Variants in ATAD2B observed in about 807,000 individuals in gnomAD.
ATAD2B encodes ATPase family AAA domain-containing protein 2B.
A neutral mutation model predicts 167.6 loss-of-function variants in ATAD2B; 40 were observed. The ratio of observed to expected loss-of-function variants is 0.24; its 90% CI spans 0.19 to 0.31. The LOEUF (loss-of-function observed/expected upper bound fraction) is 0.31, where lower values mean the gene tolerates loss of function less well. Among genes scored for constraint, ATAD2B ranks in the 10% least tolerant of loss-of-function variants. ATAD2B has a pLI of 1.00. For missense variants in ATAD2B, 1,242 were observed against 1,757.2 expected (o/e 0.71, Z 5.24); for synonymous variants, 579 against 596.5 (o/e 0.97, Z 0.43).
intron 8 of ATAD2B, among the ~76,000 whole-genome samples, chr2:23,871,793 C>T (rs1433257221): frequency 1.3e-5 from 2 of 148,908 alleles, no homozygotes; most frequent in Admixed American, 6.6e-5. Context: ...CCTTAACCCA[C>T]CTCCTACTCC....
chr2:23,777,742 G>A (rs1014905040), intron 22 of ATAD2B, among the ~76,000 whole-genome samples: 2 of 152,068 alleles, frequency 1.3e-5, no homozygotes, highest in Non-Finnish European at 1.5e-5. Context: ...CTGCAAGACC[G>A]AGAATGGGGA....
chr2:23,794,743 C>CTATTTTGGTAATA (rs1280451445), intron 19 of ATAD2B, among the ~76,000 whole-genome samples: 123 of 151,846 alleles, frequency 8.1e-4, no homozygotes, highest in African/African-American at 2.9e-3. Context: ...ATTAAATATA[C>CTATTTTGGTAATA]TATTACCAAA....
downstream of ATAD2B, among the ~76,000 whole-genome samples, chr2:23,745,450 G>GGAAA (rs1239159525): frequency 6.9e-6 from 1 of 144,552 alleles, no homozygotes; most frequent in Non-Finnish European, 1.5e-5. Context: ...GGGAAGGGAA[G>GGAAA]GGAAGGAAGG....
intron 20 of ATAD2B, among the ~76,000 whole-genome samples, chr2:23,787,771 AGG>A: frequency 6.6e-6 from 1 of 152,154 alleles, no homozygotes; most frequent in South Asian, 2.1e-4. Flanking sequence ...TTTACCAAAC[AGG>A]ATTGCTACTT....
downstream of ATAD2B, among the ~76,000 whole-genome samples, chr2:23,748,308 C>T (rs1675018260): frequency 6.6e-6 from 1 of 152,106 alleles, no homozygotes; most frequent in Non-Finnish European, 1.5e-5. Context: ...ACAAAGTATA[C>T]TGATAACAAC....
intron 22 of ATAD2B, among the ~76,000 whole-genome samples, chr2:23,778,703 A>C (rs1054128628): frequency 3.9e-5 from 6 of 152,232 alleles, no homozygotes; most frequent in Non-Finnish European, 5.9e-5. Flanking sequence ...TCAACCTAAT[A>C]CACTTGCTCA....
At chr2:23,923,567 T>C (rs1161932594) in intron 1 of ATAD2B, among the ~76,000 whole-genome samples, 2 of 152,076 alleles carry the variant, frequency 1.3e-5, no homozygotes, top group African/African-American at 2.4e-5. Context: ...GTCTATGGTG[T>C]TGATGCGGTG....
At chr2:23,912,105 A>G (rs537152720) in intron 1 of ATAD2B, among the ~76,000 whole-genome samples, 2 of 152,312 alleles carry the variant, frequency 1.3e-5, no homozygotes, top group African/African-American at 4.8e-5. Flanking sequence ...ATAACCATAA[A>G]CAAAATAAGT....
At chr2:23,785,923 T>C (rs1680745503) in intron 21 of ATAD2B, 104 bp downstream of exon 21, 3 of 997,940 alleles carry the variant, frequency 3.0e-6, no homozygotes, top group South Asian at 3.7e-5. Flanking sequence ...CTAGGGGTAA[T>C]ATTCATCCAT....
intron 1 of ATAD2B, among the ~76,000 whole-genome samples, chr2:23,915,704 G>C (rs143418024): frequency 0.041 from 5,787 of 142,128 alleles, 104 homozygotes; most frequent in Middle Eastern, 0.057. Flanking sequence ...CGATTCCCCT[G>C]CCTCAGCCTC....
intron 18 of ATAD2B, among the ~76,000 whole-genome samples, chr2:23,802,138 T>C (rs1218643083): frequency 1.3e-5 from 2 of 151,996 alleles, no homozygotes; most frequent in East Asian, 1.9e-4. Context: ...AATCACTTAA[T>C]AGTATTATAA....
chr2:23,752,551 C>G (rs1030145977), intron 27 of ATAD2B, among the ~76,000 whole-genome samples: 1 of 151,208 alleles, frequency 6.6e-6, no homozygotes, highest in African/African-American at 2.4e-5. Context: ...GAAGATTGAA[C>G]AAACGTATTA....
chr2:23,715,589 T>C, the ATAD2B span, among the ~76,000 whole-genome samples: 4 of 151,952 alleles, frequency 2.6e-5, no homozygotes, highest in Admixed American at 6.6e-5. Context: ...AAAAAAATCA[T>C]ATTAAAGCAT....
At chr2:23,906,671 G>T (rs970894448) in intron 1 of ATAD2B, among the ~76,000 whole-genome samples, 16 of 151,964 alleles carry the variant, frequency 1.1e-4, no homozygotes, top group Middle Eastern at 3.2e-3. Context: ...CCAAAAACGA[G>T]AATTTTAGAC....
intron 19 of ATAD2B, among the ~76,000 whole-genome samples, chr2:23,796,692 T>C (rs1416371775): frequency 6.6e-6 from 1 of 152,196 alleles, no homozygotes; most frequent in Admixed American, 6.5e-5. Context: ...CCAGGTTATA[T>C]CCAGGTTCAG....
At chr2:23,699,508 A>G in the ATAD2B span, among the ~76,000 whole-genome samples, 1 of 152,178 alleles carries the variant, frequency 6.6e-6, no homozygotes, top group East Asian at 1.9e-4. Flanking sequence ...CAAGACCTCA[A>G]ACATCCCAGT....
chr2:23,880,780 A>T (rs1157430720), intron 6 of ATAD2B, 25 bp from the exon 7 acceptor site: 11 of 1,337,160 alleles, frequency 8.2e-6, no homozygotes, highest in Non-Finnish European at 1.2e-5. Context: ...ACAAAAAGAA[A>T]AGAAAAAGGC....
chr2:23,678,394 C>A, the ATAD2B span, among the ~76,000 whole-genome samples: 101 of 152,330 alleles, frequency 6.6e-4, no homozygotes, highest in East Asian at 0.019. Flanking sequence ...CCTCAAGAAG[C>A]TTTGCTCACT....
intron 6 of ATAD2B, among the ~76,000 whole-genome samples, chr2:23,881,711 A>T (rs543454004): frequency 1.3e-4 from 19 of 151,930 alleles, no homozygotes; most frequent in Admixed American, 1.1e-3. Flanking sequence ...TATAATGTAC[A>T]TAAATCCTAA....
Sources: gnomAD v4.1 joint callset for allele counts (sites outside exome capture counted in the v4.1 genomes callset) on GRCh38, gnomAD v4.1.1 for gene constraint, MANE v1.5 for transcripts, NCBI Gene and HGNC (gene_info 2026-07-23, HGNC 2026-07-21) for gene names.